Variants in AP1G1 observed in about 807,000 individuals in gnomAD.
AP1G1 encodes the protein adaptor related protein complex 1 subunit gamma 1.
AP1G1 carries 7 observed loss-of-function variants against 108.3 expected under a neutral mutation model. The observed-to-expected ratio is 0.06, with a 90% CI of 0.04 to 0.12. AP1G1 has a LOEUF of 0.12. Ranked by LOEUF, AP1G1 falls within the 10% of genes least tolerant of loss-of-function variation. The probability of loss-of-function intolerance (pLI) is 1.00; values close to 1 mark genes in which losing one functional copy is unlikely to be tolerated. For missense variants in AP1G1, 756 were observed against 1,010.7 expected (o/e 0.75, Z 3.42); for synonymous variants, 379 against 353.5 (o/e 1.07, Z -0.81).
At chr16:71,771,426 CT>C (rs1040266072) in intron 4 of AP1G1, among the ~76,000 whole-genome samples, 174 bp from the exon 5 acceptor site, 2 of 152,152 alleles carry the variant, frequency 1.3e-5, no homozygotes, top group African/African-American at 4.8e-5. Context: ...TAGCCCACTC[CT>C]ATAATCCAGC....
intron 4 of AP1G1, 21 bp from the exon 5 acceptor site, chr16:71,771,273 G>T (rs2031558535): frequency 2.2e-6 from 3 of 1,389,044 alleles, no homozygotes; most frequent in East Asian, 4.9e-5. Flanking sequence ...AAAAATAAAA[G>T]AACAAAAGGT....
chr16:71,802,226 G>T (rs1005793538), intron 1 of AP1G1, among the ~76,000 whole-genome samples: 3 of 152,074 alleles, frequency 2.0e-5, no homozygotes, highest in Non-Finnish European at 4.4e-5. Flanking sequence ...CTAAACAACT[G>T]AAAAAGTGTT....
intron 21 of AP1G1, among the ~76,000 whole-genome samples, chr16:71,734,999 A>G (rs1319726950): frequency 6.6e-6 from 1 of 152,228 alleles, no homozygotes; most frequent in Admixed American, 6.5e-5. Flanking sequence ...AAAGCTGACC[A>G]ATTCTTCTTC....
At chr16:71,766,393 G>A in intron 6 of AP1G1, 1 of 466,462 alleles carries the variant, frequency 2.1e-6, no homozygotes, top group South Asian at 1.6e-5. Flanking sequence ...ACATAGTAAA[G>A]GCAATTTTAC....
chr16:71,746,863 A>T, intron 16 of AP1G1, 171 bp from the exon 17 acceptor site: 1 of 536,426 alleles, frequency 1.9e-6, no homozygotes, highest in Non-Finnish European at 3.3e-6. Context: ...CATTTATCTG[A>T]CATTCGCATT....
chr16:71,791,353 T>C (rs562476850), intron 1 of AP1G1, among the ~76,000 whole-genome samples: 3 of 152,222 alleles, frequency 2.0e-5, no homozygotes, highest in Admixed American at 2.0e-4. Flanking sequence ...AAAAAGCCCT[T>C]GAACTAAACA....
intron 5 of AP1G1, among the ~76,000 whole-genome samples, chr16:71,770,716 C>G (rs1470951081): frequency 6.6e-6 from 1 of 152,180 alleles, no homozygotes; most frequent in Non-Finnish European, 1.5e-5. Flanking sequence ...ATGATCTGCC[C>G]ACCTTGGCCT....
At chr16:71,748,515 G>A in intron 15 of AP1G1, 137 bp from the exon 16 acceptor site, 1 of 1,059,824 alleles carries the variant, frequency 9.4e-7, no homozygotes, top group South Asian at 1.7e-5. Context: ...CCTGTGCTTT[G>A]CCAGGGTAAC....
chr16:71,808,305 G>A (rs1567669083), intron 1 of AP1G1: 1 of 802,948 alleles, frequency 1.2e-6, no homozygotes, highest in Non-Finnish European at 1.7e-6. Context: ...CACTGCAGGG[G>A]CAGGCAGCGA....
intron 1 of AP1G1, among the ~76,000 whole-genome samples, chr16:71,792,358 T>C (rs2032436039): frequency 2.0e-5 from 3 of 152,174 alleles, no homozygotes; most frequent in Admixed American, 6.5e-5. Flanking sequence ...GCTTAACATA[T>C]GTGGAGAAGG....
chr16:71,805,637 A>C (rs1597097110), intron 1 of AP1G1, among the ~76,000 whole-genome samples: 2 of 152,330 alleles, frequency 1.3e-5, no homozygotes, highest in Admixed American at 1.3e-4. Flanking sequence ...AAGGGGATTA[A>C]GCATTGTGGA....
chr16:71,786,846 T>G (rs1045674687), intron 2 of AP1G1, among the ~76,000 whole-genome samples: 12 of 152,080 alleles, frequency 7.9e-5, no homozygotes, highest in African/African-American at 2.9e-4. Context: ...ATGGATTGCT[T>G]GAGCTCAAGA....
intron 2 of AP1G1, among the ~76,000 whole-genome samples, chr16:71,785,756 C>A (rs1271019171): frequency 1.3e-5 from 2 of 151,890 alleles, no homozygotes; most frequent in Non-Finnish European, 1.5e-5. Flanking sequence ...GTGGCAGGCG[C>A]CTGTAGTCCC....
At chr16:71,784,185 A>G (rs1268045194) in intron 2 of AP1G1, among the ~76,000 whole-genome samples, 1 of 152,264 alleles carries the variant, frequency 6.6e-6, no homozygotes, top group Non-Finnish European at 1.5e-5. Context: ...TTTTATATAC[A>G]AAATGTGTCT....
chr16:71,776,781 G>GT (rs920464454), intron 2 of AP1G1, among the ~76,000 whole-genome samples: 5 of 151,252 alleles, frequency 3.3e-5, no homozygotes, highest in Admixed American at 6.6e-5. Context: ...TTTTGTTTTG[G>GT]TTTTTTTTGC....
At chr16:71,808,223 C>T (rs2033065129) in intron 1 of AP1G1, 1 of 1,092,358 alleles carries the variant, frequency 9.2e-7, no homozygotes, top group Non-Finnish European at 1.1e-6. Context: ...CACACACACA[C>T]GAAAAATTGG....
At chr16:71,798,707 G>A (rs1323224014) in intron 1 of AP1G1, among the ~76,000 whole-genome samples, 1 of 151,992 alleles carries the variant, frequency 6.6e-6, no homozygotes, top group Admixed American at 6.6e-5. Flanking sequence ...GGCCAACATG[G>A]CGAATCTCTG....
At chr16:71,761,365 C>G (rs2031076371) in intron 10 of AP1G1, 147 bp downstream of exon 10, 4 of 670,970 alleles carry the variant, frequency 6.0e-6, no homozygotes, top group South Asian at 3.5e-5. Context: ...CTTCACAAAA[C>G]AGTGTTTTAA....
intron 6 of AP1G1, among the ~76,000 whole-genome samples, chr16:71,769,007 G>A (rs2031460340): frequency 7.5e-6 from 1 of 133,198 alleles, no homozygotes; most frequent in Non-Finnish European, 1.6e-5. Context: ...AACAGGCCAG[G>A]AGCAGTGGCT....
Sources: gnomAD v4.1 joint callset for allele counts (sites outside exome capture counted in the v4.1 genomes callset) on GRCh38, gnomAD v4.1.1 for gene constraint, MANE v1.5 for transcripts, NCBI Gene and HGNC (gene_info 2026-07-23, HGNC 2026-07-21) for gene names.